Variants in NRG3 observed in about 807,000 individuals in gnomAD.
The protein encoded by NRG3 is pro-neuregulin-3, membrane-bound isoform.
NRG3 carries 31 observed loss-of-function variants against 66.9 expected under a neutral mutation model. The ratio of observed to expected loss-of-function variants is 0.46; its 90% CI spans 0.35 to 0.63. The LOEUF (loss-of-function observed/expected upper bound fraction) is 0.63, where lower values mean the gene tolerates loss of function less well. Among genes scored for constraint, NRG3 ranks in the 20% least tolerant of loss-of-function variants. NRG3 has a pLI of 0.00. For synonymous variants in NRG3, 393 were observed against 359.4 expected, an observed-to-expected ratio of 1.09 and a Z score of -1.06; for missense variants, 910 against 878.9, an observed-to-expected ratio of 1.04 and a Z score of -0.45.
At chr10:82,867,265 AG>A (rs561427432) in intron 4 of NRG3, among the ~76,000 whole-genome samples, 43 of 152,322 alleles carry the variant, frequency 2.8e-4, no homozygotes, top group Admixed American at 7.2e-4. Flanking sequence ...AATATTACGT[AG>A]GTTTCTTTGT....
rs557380140 is a variant in NRG3 at position 82,026,722 on chromosome 10, CCTT to C, written c.823+150563_823+150565del. On this transcript the variant is annotated intron_variant, in intron 1 of 8. Transcript: ENST00000372141. ...TTGTTTGTCTGAAGGTTTTTGGAAA[CCTT>C]CTTATTTCTGAAAAAGAGCAAGGCC... is the stretch of plus-strand genomic sequence containing the variant. 1.8e-3 allele frequency among the ~76,000 whole-genome samples: 272 copies of C among 151,878 alleles called. 1 individual carries two copies. The highest frequency in any genetic ancestry group is 4.9e-3 in the African/African-American group (203 of 41,416).
At position 82,746,757 on chromosome 10, in the gene NRG3, ATACCTTATTACACAATATACTCATT is replaced by A. The variant is rs371510289; in HGVS notation, c.1027+8109_1027+8133del. Among the ~76,000 whole-genome samples the A allele has an allele frequency of 4.8e-3, 731 of 152,246 alleles. 3 individuals are homozygous for A. Among genetic ancestry groups the A allele is most frequent in the African/African-American group, 0.017 (700 of 41,560 alleles). ...CTGAGGTACCAGAAATTAAATATTCATACCTTATTACACAATATACTCATTTGCCTTACAAAATTAGGATTGGCTG... is the reference window on the plus strand; with the variant it reads ...CTGAGGTACCAGAAATTAAATATTCATGCCTTACAAAATTAGGATTGGCTG... On this transcript the variant is annotated intron_variant, in intron 3 of 8. Coordinates refer to ENST00000372141, the MANE Select transcript of NRG3 (RefSeq NM_001010848.4).
Position 81,956,202 on chromosome 10 carries a change from G to A in NRG3, c.823+80039G>A, listed in dbSNP as rs1849815076. On this transcript the variant is annotated intron_variant, in intron 1 of 8. Transcript: ENST00000372141. Reference sequence around the variant, plus strand: ...GATGTTTGGTGACTTCCAAAGCTGGGACAAAAGGCAAAACAACTTCCCTCT... The same window carrying A: ...GATGTTTGGTGACTTCCAAAGCTGGAACAAAAGGCAAAACAACTTCCCTCT... Among the ~76,000 whole-genome samples, 4 of 152,122 alleles carry A rather than the reference G, an allele frequency of 2.6e-5. No homozygotes were observed. In the South Asian group the frequency reaches 8.3e-4, roughly 32 times the overall value.
At chr10:82,335,748 T>G (rs1436089054) in intron 1 of NRG3, among the ~76,000 whole-genome samples, 1 of 152,228 alleles carries the variant, frequency 6.6e-6, no homozygotes, top group Non-Finnish European at 1.5e-5. Context: ...CAAGTCTGTC[T>G]TACATCAATA....
At chr10:82,409,974 G>A (rs2087927807) in intron 2 of NRG3, among the ~76,000 whole-genome samples, 1 of 152,100 alleles carries the variant, frequency 6.6e-6, no homozygotes, top group East Asian at 1.9e-4. Flanking sequence ...CCCTGAGCAA[G>A]CGCCCCAAGA....
At chr10:81,911,572 T>C (rs1214192528) in intron 1 of NRG3, among the ~76,000 whole-genome samples, 3 of 151,380 alleles carry the variant, frequency 2.0e-5, no homozygotes, top group Admixed American at 1.3e-4. Context: ...AGTGTGGGCT[T>C]GTGTGTGTCT....
intron 2 of NRG3, among the ~76,000 whole-genome samples, chr10:82,705,358 A>C (rs537800237): frequency 6.4e-4 from 97 of 152,302 alleles, no homozygotes; most frequent in Non-Finnish European, 1.2e-3. Context: ...ATTTCTTTGA[A>C]TATCAAGGGT....
chr10:82,583,024 G>A (rs944941512), intron 2 of NRG3, among the ~76,000 whole-genome samples: 9 of 152,128 alleles, frequency 5.9e-5, no homozygotes, highest in African/African-American at 2.2e-4. Context: ...ATAAGGAATT[G>A]AAATATGAGC....
intron 2 of NRG3, among the ~76,000 whole-genome samples, chr10:82,529,535 A>G (rs1280489417): frequency 6.6e-6 from 1 of 152,230 alleles, no homozygotes; most frequent in East Asian, 1.9e-4. Context: ...TTGTTTGGCA[A>G]TGCTTATTTT....
intron 1 of NRG3, among the ~76,000 whole-genome samples, chr10:82,132,494 T>TATAAATGATATATATATG (rs2068940246): frequency 2.3e-5 from 1 of 44,380 alleles, no homozygotes; most frequent in African/African-American, 1.1e-4. Flanking sequence ...ATATATATGA[T>TATAAATGATATATATATG]ATATATATAT....
intron 1 of NRG3, among the ~76,000 whole-genome samples, chr10:81,885,233 G>T (rs1267862773): frequency 6.6e-6 from 1 of 152,118 alleles, no homozygotes; most frequent in Admixed American, 6.6e-5. Context: ...CCCATTCCAA[G>T]CTTACTTTTG....
chr10:81,891,744 A>G (rs1304839772), intron 1 of NRG3, among the ~76,000 whole-genome samples: 4 of 152,196 alleles, frequency 2.6e-5, no homozygotes, highest in Admixed American at 2.6e-4. Flanking sequence ...TTGGGAATGC[A>G]GGCTCAGCTC....
intron 1 of NRG3, among the ~76,000 whole-genome samples, chr10:82,181,925 A>G (rs185548714): frequency 6.6e-6 from 1 of 151,866 alleles, no homozygotes; most frequent in African/African-American, 2.4e-5. Context: ...TCATATGTTT[A>G]GATGCTCTGA....
chr10:82,448,196 T>G (rs2090838177), intron 2 of NRG3, among the ~76,000 whole-genome samples: 1 of 152,180 alleles, frequency 6.6e-6, no homozygotes, highest in Non-Finnish European at 1.5e-5. Context: ...GTATTCAATT[T>G]TACTAGGGAA....
At chr10:82,883,060 T>A (rs1171238758) in intron 4 of NRG3, among the ~76,000 whole-genome samples, 1 of 152,208 alleles carries the variant, frequency 6.6e-6, no homozygotes, top group Non-Finnish European at 1.5e-5. Flanking sequence ...AAATATTTAC[T>A]TTTATAAGTT....
intron 1 of NRG3, among the ~76,000 whole-genome samples, chr10:81,930,255 A>G (rs1847210269): frequency 6.6e-6 from 1 of 152,170 alleles, no homozygotes; most frequent in African/African-American, 2.4e-5. Context: ...GTTAAAGAGT[A>G]TGGTCTCCAG....
chr10:82,160,679 G>A (rs1329993161), intron 1 of NRG3, among the ~76,000 whole-genome samples: 2 of 151,888 alleles, frequency 1.3e-5, no homozygotes, highest in African/African-American at 4.8e-5. Context: ...TCAGGGAATA[G>A]CAAAGTATTT....
chr10:82,060,197 T>C (rs1398161311), intron 1 of NRG3, among the ~76,000 whole-genome samples: 1 of 152,240 alleles, frequency 6.6e-6, no homozygotes, highest in Non-Finnish European at 1.5e-5. Flanking sequence ...TACGTGTCTG[T>C]ATCTCCTTAT....
intron 4 of NRG3, among the ~76,000 whole-genome samples, chr10:82,884,435 GA>G (rs1168326206): frequency 6.6e-6 from 1 of 152,090 alleles, no homozygotes; most frequent in East Asian, 1.9e-4. Context: ...TGAGCCAAAA[GA>G]AATGTGGAAA....
Sources: allele counts gnomAD v4.1 joint callset (sites outside exome capture counted in the v4.1 genomes callset), GRCh38; gene constraint gnomAD v4.1.1; transcripts MANE v1.5; gene names NCBI Gene and HGNC (gene_info 2026-07-23, HGNC 2026-07-21).